Variants in RBFOX3 observed in about 807,000 individuals in gnomAD.
RBFOX3 encodes the protein RNA binding protein fox-1 homolog 3.
In RBFOX3, 17 loss-of-function variants were observed where a neutral mutation model predicts 48.7. The ratio of observed to expected loss-of-function variants is 0.35; its 90% CI spans 0.24 to 0.52. The LOEUF (loss-of-function observed/expected upper bound fraction) is 0.52, where lower values mean the gene tolerates loss of function less well. Ranked by LOEUF, RBFOX3 falls within the 20% of genes least tolerant of loss-of-function variation. RBFOX3 has a pLI of 0.94. For synonymous variants in RBFOX3, 212 were observed against 209.5 expected (o/e 1.01, Z -0.10); for missense variants, 382 against 497.5 (o/e 0.77, Z 2.21).
chr17:79,620,274 T>C, the RBFOX3 span, among the ~76,000 whole-genome samples: 76 of 108,968 alleles, frequency 7.0e-4, no homozygotes, highest in African/African-American at 2.5e-3. Flanking sequence ...CGTGCACACA[T>C]ACGCATATGC....
chr17:79,287,135 G>T (rs7222861), intron 3 of RBFOX3, among the ~76,000 whole-genome samples: 68,047 of 152,116 alleles, frequency 0.45, 15,766 homozygotes, highest in East Asian at 0.55. Flanking sequence ...GCCTTTTGTG[G>T]AGCAAAGGGT....
chr17:79,541,740 T>C (rs1253000049), intron 1 of RBFOX3, among the ~76,000 whole-genome samples: 1 of 152,218 alleles, frequency 6.6e-6, no homozygotes, highest in Non-Finnish European at 1.5e-5. Context: ...CGGAGCAGGA[T>C]TTCAGTGGAA....
intron 3 of RBFOX3, among the ~76,000 whole-genome samples, chr17:79,255,230 T>C (rs2064605725): frequency 7.1e-6 from 1 of 140,248 alleles, no homozygotes. Context: ...TGCGTGTGTG[T>C]GTGTGTGTGT....
intron 2 of RBFOX3, among the ~76,000 whole-genome samples, chr17:79,383,031 AAC>A (rs60851419): frequency 0.035 from 5,015 of 141,268 alleles, 137 homozygotes; most frequent in Middle Eastern, 0.067. Context: ...CTGCCTCTCA[AAC>A]ACACACACAC....
At chr17:79,143,133 T>G (rs2042242442) in intron 4 of RBFOX3, among the ~76,000 whole-genome samples, 2 of 152,140 alleles carry the variant, frequency 1.3e-5, no homozygotes, top group African/African-American at 4.8e-5. Context: ...CTGCCTGCCA[T>G]ACCTTGGACC....
chr17:79,370,546 C>T (rs2058384954), intron 2 of RBFOX3, among the ~76,000 whole-genome samples: 1 of 115,744 alleles, frequency 8.6e-6, no homozygotes, highest in African/African-American at 2.6e-5. Flanking sequence ...CACACATACA[C>T]TAACATACAT....
chr17:79,119,824 C>T (rs539530982), intron 4 of RBFOX3, among the ~76,000 whole-genome samples: 8 of 152,190 alleles, frequency 5.3e-5, no homozygotes, highest in Admixed American at 1.3e-4. Flanking sequence ...GCTACACATC[C>T]CAGTCACCTA....
At chr17:79,427,202 C>G (rs1555725992) in intron 2 of RBFOX3, among the ~76,000 whole-genome samples, 1 of 152,192 alleles carries the variant, frequency 6.6e-6, no homozygotes, top group Non-Finnish European at 1.5e-5. Flanking sequence ...CAGGCCCACT[C>G]AGAATCTGGA....
intron 1 of RBFOX3, among the ~76,000 whole-genome samples, chr17:79,521,762 G>A (rs1285483265): frequency 2.6e-5 from 4 of 152,012 alleles, no homozygotes; most frequent in Admixed American, 1.3e-4. Context: ...CAAATACATA[G>A]ACGCACACAC....
rs1032023098 is a variant in RBFOX3, at chr17:79,582,777, C to T, written c.-320+28049G>A. ...CAGCCTGGGAGACAGAGCAAGACCC[C>T]GTCTCAAAAAAAAAAAAAAAAAAAA... On this transcript the variant is annotated intron_variant, in intron 1 of 14. Coordinates refer to ENST00000693108, the MANE Select transcript of RBFOX3 (RefSeq NM_001350451.2). Among the ~76,000 whole-genome samples, 57 of 104,654 alleles carry T rather than the reference C, an allele frequency of 5.4e-4. 1 individual carries two copies. In the Admixed American group the frequency reaches 6.2e-3, roughly 11 times the overall value. 68.7% of individuals were successfully genotyped at this position (104,654 alleles called of 152,430 possible). A position where few individuals can be genotyped will look rare whatever the true frequency, so the allele number is the denominator to read the frequency against.
chr17:79,470,983 C>T (rs993734287), intron 2 of RBFOX3, among the ~76,000 whole-genome samples: 30 of 152,206 alleles, frequency 2.0e-4, no homozygotes, highest in Non-Finnish European at 3.2e-4. Flanking sequence ...GCCCACTGCA[C>T]GCATGTTCTA....
intron 2 of RBFOX3, among the ~76,000 whole-genome samples, chr17:79,459,409 G>T (rs2075067417): frequency 6.6e-6 from 1 of 152,140 alleles, no homozygotes; most frequent in African/African-American, 2.4e-5. Flanking sequence ...TTTTCTCCAA[G>T]AAGTGGGGAG....
At chr17:79,097,482 C>G in intron 10 of RBFOX3, 58 bp from the exon 11 acceptor site, 1 of 1,474,126 alleles carries the variant, frequency 6.8e-7, no homozygotes, top group Non-Finnish European at 9.1e-7. Flanking sequence ...CACCTGGCAC[C>G]CCCTCCCCGT....
chr17:79,439,803 T>C (rs4790040), intron 2 of RBFOX3, among the ~76,000 whole-genome samples: 75,221 of 152,068 alleles, frequency 0.49, 19,053 homozygotes, highest in Non-Finnish European at 0.55. Flanking sequence ...CACACACACA[T>C]ACCAGACCTT....
chr17:79,428,553 G>A (rs1286311229), intron 2 of RBFOX3, among the ~76,000 whole-genome samples: 4 of 152,180 alleles, frequency 2.6e-5, no homozygotes, highest in Admixed American at 1.3e-4. Context: ...GGTGACCCAC[G>A]GGCCTTCCTG....
chr17:79,514,303 C>T (rs1168849869), intron 1 of RBFOX3, among the ~76,000 whole-genome samples: 2 of 152,158 alleles, frequency 1.3e-5, no homozygotes, highest in African/African-American at 2.4e-5. Context: ...AGAACATGCA[C>T]CTGGGTATCC....
intron 1 of RBFOX3, among the ~76,000 whole-genome samples, chr17:79,484,000 GTGT>G (rs2079157855): frequency 1.3e-5 from 2 of 151,584 alleles, no homozygotes; most frequent in Admixed American, 6.6e-5. Context: ...AACAGTGTAT[GTGT>G]GCCATCAGCC....
At position 79,252,236 on chromosome 17, in the gene RBFOX3, C is replaced by T. The variant is rs765024564; in HGVS notation, c.-73-16431G>A. 3.3e-5 allele frequency among the ~76,000 whole-genome samples: 5 copies of T among 152,122 alleles called. No homozygotes were observed. The highest frequency in any genetic ancestry group is 6.5e-5 in the Admixed American group (1 of 15,274). On this transcript the variant is annotated intron_variant, in intron 3 of 14. Transcript: ENST00000693108. The surrounding 1 kb of genome is among the most constrained non-coding windows in gnomAD (Gnocchi z 4.0). ...CAACTTCAGAGGTCTGGCTTCAACC[C>T]GCACCCTGATGCCAGCAATGCCCAC...
At chr17:79,182,987 C>G (rs1445573293) in intron 4 of RBFOX3, among the ~76,000 whole-genome samples, 1 of 150,944 alleles carries the variant, frequency 6.6e-6, no homozygotes, top group African/African-American at 2.4e-5. Flanking sequence ...AGACTCCGCC[C>G]GCCGCCCCCT....
Sources: gnomAD v4.1 joint callset for allele counts (sites outside exome capture counted in the v4.1 genomes callset) on GRCh38, gnomAD v4.1.1 for gene constraint, Gnocchi (gnomAD v3.1) non-coding constraint, MANE v1.5 for transcripts, NCBI Gene and HGNC (gene_info 2026-07-23, HGNC 2026-07-21) for gene names.